The following SRL variants were observed in gnomAD, a reference collection of about 807,000 sequenced individuals.
The protein encoded by SRL is sarcalumenin.
A neutral mutation model predicts 39.5 loss-of-function variants in SRL; 23 were observed. The observed-to-expected ratio is 0.58, with a 90% CI of 0.42 to 0.82. The LOEUF (loss-of-function observed/expected upper bound fraction) is 0.82. Among genes scored for constraint, SRL ranks in the 40% least tolerant of loss-of-function variants. SRL has a pLI of 0.00. For missense variants in SRL, 592 were observed against 607.8 expected (o/e 0.97, Z 0.27); for synonymous variants, 272 against 237.4 (o/e 1.15, Z -1.34).
At chr16:4,231,932 C>T (rs575708369) in intron 1 of SRL, among the ~76,000 whole-genome samples, 38 of 152,312 alleles carry the variant, frequency 2.5e-4, no homozygotes, top group Middle Eastern at 6.8e-3. Flanking sequence ...CAGCCCCATG[C>T]TGGAAATAGA....
chr16:4,193,353 T>C (rs971463684), intron 5 of SRL, among the ~76,000 whole-genome samples: 2 of 152,214 alleles, frequency 1.3e-5, no homozygotes, highest in African/African-American at 4.8e-5. Context: ...TTTAATCTAC[T>C]GTGAAATCCA....
At chr16:4,227,056 A>ATGGATGGGTGGATGGG (rs59960454) in intron 1 of SRL, among the ~76,000 whole-genome samples, 3 of 149,164 alleles carry the variant, frequency 2.0e-5, no homozygotes, top group African/African-American at 7.4e-5. Flanking sequence ...GGATGAATGG[A>ATGGATGGGTGGATGGG]TGGATGGATG....
At chr16:4,206,909 T>C (rs1445593924) in intron 1 of SRL, 1 of 455,978 alleles carries the variant, frequency 2.2e-6, no homozygotes, top group Non-Finnish European at 4.4e-6. Context: ...CTTCCTGGGG[T>C]TCCCTGGCTT....
intron 1 of SRL, among the ~76,000 whole-genome samples, chr16:4,229,091 C>T (rs953271628): frequency 1.3e-5 from 2 of 152,142 alleles, no homozygotes; most frequent in Admixed American, 1.3e-4. Flanking sequence ...TGCCCACCAA[C>T]GGTGGCCTGA....
At chr16:4,225,157 T>TA (rs35485719) in intron 1 of SRL, among the ~76,000 whole-genome samples, 64,019 of 152,032 alleles carry the variant, frequency 0.42, 13,672 homozygotes, top group Admixed American at 0.45. Context: ...TTTGAGGTGA[T>TA]AAAAAATGTT....
In SRL at chr16:4,229,764, T is replaced by TC. The variant is rs1162669290; in HGVS notation, c.61+12242dup. On this transcript the variant is annotated intron_variant, in intron 1 of 5. Coordinates refer to ENST00000399609, the MANE Select transcript of SRL (RefSeq NM_001098814.2). ...CATCCATGTAAAAAACCTGCACACG[T>TC]CCCCCCTGAATCTAAAATAAAGTTC... Among the ~76,000 whole-genome samples, 59 of 151,920 alleles carry TC rather than the reference T, an allele frequency of 3.9e-4. 1 individual carries two copies. Among genetic ancestry groups the TC allele is most frequent in the Admixed American group, 3.8e-3 (58 of 15,236 alleles).
intron 1 of SRL, among the ~76,000 whole-genome samples, chr16:4,238,193 G>C (rs1487902931): frequency 6.6e-6 from 1 of 152,178 alleles, no homozygotes; most frequent in African/African-American, 2.4e-5. Context: ...TTGGAGCAGG[G>C]CATGTGCCCA....
chr16:4,204,416 C>A lies in SRL; in HGVS notation c.163+117G>T. The A allele has an allele frequency of 3.3e-6, 3 of 921,604 alleles. No homozygotes were observed. The South Asian group carries it at 4.4e-5, about 13-fold the overall frequency. 57.1% of individuals were successfully genotyped at this position (921,604 alleles called of 1,614,324 possible). A position where few individuals can be genotyped will look rare whatever the true frequency, so the allele number is the denominator to read the frequency against. On this transcript the variant is annotated intron_variant, in intron 2 of 5. Coordinates refer to ENST00000399609, the MANE Select transcript of SRL (RefSeq NM_001098814.2). ...CTCCAGCCTCCAAGATAGATACAGC[C>A]CCGGCCTCCAAGATACAGCCCCGGC...
At chr16:4,202,145 G>A (rs1159775859) in intron 3 of SRL, among the ~76,000 whole-genome samples, 2 of 152,336 alleles carry the variant, frequency 1.3e-5, no homozygotes, top group East Asian at 3.9e-4. Context: ...AGCTGTCAGA[G>A]GGAAGGAGGG....
Position 4,192,288 on chromosome 16 carries a change from C to T in SRL, c.1287G>A (p.Glu429=), listed in dbSNP as rs1412899884. Residue 429 remains glutamate (E), a synonymous_variant, in exon 6 of 6, where the codon GAG becomes GAA. Transcript: ENST00000399609. The surrounding 1 kb of genome is among the most constrained non-coding windows in gnomAD (Gnocchi z 4.0). ...CCTGAGTGATGGCCCGCTCAATCTT[C>T]TCCAGAAAGCAACCTCCCATGTAGG... ...QCSYMGGCFL[E]KIERAITQEL... 1 of 1,614,056 alleles carries T rather than the reference C, an allele frequency of 6.2e-7. No individual in the cohort carries two copies. The highest frequency in any genetic ancestry group is 1.3e-5 in the African/African-American group (1 of 74,928).
chr16:4,197,976 G>T, intron 3 of SRL, 61 bp from the exon 4 acceptor site: 1 of 1,099,334 alleles, frequency 9.1e-7, no homozygotes, highest in Non-Finnish European at 1.4e-6. Flanking sequence ...AAGGGGTATG[G>T]CACCGTACTC....
At chr16:4,205,584 G>C (rs1049119126) in intron 1 of SRL, among the ~76,000 whole-genome samples, 3 of 152,132 alleles carry the variant, frequency 2.0e-5, no homozygotes, top group African/African-American at 7.2e-5. Context: ...GAGTGAGTTA[G>C]GTGACCAGTG....
chr16:4,198,001 G>A lies in SRL; in HGVS notation c.260-86C>T, dbSNP rs17136855. 352 of 896,158 alleles carry A rather than the reference G, an allele frequency of 3.9e-4. 1 individual carries two copies. The highest frequency in any genetic ancestry group is 3.3e-3 in the African/African-American group (199 of 61,194). The allele number at this position is 896,158 out of a possible 1,614,324, so 55.5% of individuals were successfully genotyped here. On this transcript the variant is annotated intron_variant, in intron 3 of 5. Transcript: ENST00000399609. ...GCACCGTACTCCAAAGCATCTCACC[G>A]TCCATCCAACTGAGTTGTGGAATTC...
At chr16:4,232,422 A>G (rs1285988229) in intron 1 of SRL, among the ~76,000 whole-genome samples, 1 of 152,196 alleles carries the variant, frequency 6.6e-6, no homozygotes, top group Non-Finnish European at 1.5e-5. Flanking sequence ...TGGTCACATC[A>G]GGCCCTAAAT....
At chr16:4,227,177 G>C (rs994460862) in intron 1 of SRL, among the ~76,000 whole-genome samples, 1 of 151,644 alleles carries the variant, frequency 6.6e-6, no homozygotes, top group Admixed American at 6.6e-5. Flanking sequence ...AGGGTGGATA[G>C]ATGAATGGAC....
intron 1 of SRL, among the ~76,000 whole-genome samples, chr16:4,211,565 G>A (rs1401814904): frequency 1.5e-5 from 2 of 135,624 alleles, no homozygotes; most frequent in Admixed American, 7.2e-5. Context: ...GATGAGGATC[G>A]TGATGATGAT....
chr16:4,207,473 C>T (rs751248106), intron 1 of SRL: 1 of 456,820 alleles, frequency 2.2e-6, no homozygotes, highest in South Asian at 1.5e-5. Context: ...CCTCGCCAGG[C>T]CCAGGGCTGC....
At chr16:4,205,913 C>T (rs893338900) in intron 1 of SRL, among the ~76,000 whole-genome samples, 3 of 151,548 alleles carry the variant, frequency 2.0e-5, no homozygotes, top group Non-Finnish European at 4.4e-5. Context: ...ACGACTGCAG[C>T]CCAGCCTGGG....
chr16:4,199,588 C>G (rs1356907457), intron 3 of SRL, among the ~76,000 whole-genome samples: 1 of 151,540 alleles, frequency 6.6e-6, no homozygotes, highest in East Asian at 1.9e-4. Context: ...CTAGGCTGGT[C>G]TCCAACTCCT....
Sources: gnomAD v4.1 joint callset for allele counts (sites outside exome capture counted in the v4.1 genomes callset) on GRCh38, gnomAD v4.1.1 for gene constraint, Gnocchi (gnomAD v3.1) non-coding constraint, MANE v1.5 for transcripts, NCBI Gene and HGNC (gene_info 2026-07-23, HGNC 2026-07-21) for gene names.